The following FUT8 variants were observed in gnomAD, a reference collection of about 807,000 sequenced individuals.
The protein encoded by FUT8 is fucosyltransferase 8, also known as alpha-(1,6)-fucosyltransferase.
FUT8 carries 29 observed loss-of-function variants against 71.3 expected under a neutral mutation model. The observed-to-expected ratio is 0.41, with a 90% CI of 0.30 to 0.55. The LOEUF (loss-of-function observed/expected upper bound fraction) is 0.55, where lower values mean the gene tolerates loss of function less well. FUT8 is among the 20% of genes least tolerant of loss of function. The probability of loss-of-function intolerance (pLI) is 0.34; values close to 1 mark genes in which losing one functional copy is unlikely to be tolerated. For synonymous variants in FUT8, 254 were observed against 239.3 expected, an observed-to-expected ratio of 1.06 and a Z score of -0.57; for missense variants, 544 against 702.1, an observed-to-expected ratio of 0.77 and a Z score of 2.55.
rs920009054 is a variant in FUT8 at position 65,652,896 on chromosome 14, T to C, written c.598-16347T>C. ...TGGAAAGAGCCAAACATTTGGAGCATGCGATAGCAGGGGATCATTGGCCAT... is the reference window on the plus strand; with the variant it reads ...TGGAAAGAGCCAAACATTTGGAGCACGCGATAGCAGGGGATCATTGGCCAT... On this transcript the variant is annotated intron_variant, in intron 6 of 10. Coordinates refer to ENST00000673929, the MANE Select transcript of FUT8 (RefSeq NM_001371533.1). This position sits in a 1 kb window ranked among gnomAD's most constrained non-coding sequence, Gnocchi z 4.0. Among the ~76,000 whole-genome samples the C allele has an allele frequency of 3.3e-5, 5 of 152,218 alleles. No individual in the cohort carries two copies. The highest frequency in any genetic ancestry group is 1.2e-4 in the African/African-American group (5 of 41,446).
the FUT8 span, among the ~76,000 whole-genome samples, chr14:65,374,112 T>A: frequency 4.6e-5 from 7 of 152,234 alleles, no homozygotes; most frequent in Admixed American, 4.6e-4. Context: ...CCTGTAGGTT[T>A]AGGTTTCAGC....
intron 9 of FUT8, among the ~76,000 whole-genome samples, chr14:65,727,497 G>A (rs1895747571): frequency 6.6e-6 from 1 of 152,146 alleles, no homozygotes; most frequent in Non-Finnish European, 1.5e-5. Flanking sequence ...GTATACTTTA[G>A]CCCCTTTTTG....
the FUT8 span, among the ~76,000 whole-genome samples, chr14:65,363,986 A>C: frequency 6.6e-6 from 1 of 152,182 alleles, no homozygotes; most frequent in Non-Finnish European, 1.5e-5. Context: ...GTCATTTTAC[A>C]TGTGCTCCTG....
At position 65,561,763 on chromosome 14, in the gene FUT8, T is replaced by C; in HGVS notation, c.200T>C (p.Leu67Pro). 1 of 1,611,044 alleles carries C rather than the reference T, an allele frequency of 6.2e-7. No individual in the cohort carries two copies. Among genetic ancestry groups the C allele is most frequent in the Non-Finnish European group, 8.5e-7 (1 of 1,177,524 alleles). The change falls in exon 3 of 11, where the codon CTC becomes CCC. Residue 67 changes from leucine (L) to proline (P), a missense_variant. By Grantham distance (98) the Leu-to-Pro change is moderately conservative (BLOSUM62 -3). Transcript: ENST00000673929. The stretch of plus-strand genomic sequence containing the variant: ...GACTTGAGGCGAATGGCCGAATCTC[T>C]CCGGTAGGTCCTAAAATACTGAATG... ...NEDLRRMAES[L>P]RIPEGPIDQG...
chr14:65,532,285 A>AT (rs1015732910), intron 2 of FUT8, among the ~76,000 whole-genome samples: 51 of 151,664 alleles, frequency 3.4e-4, no homozygotes, highest in Non-Finnish European at 4.9e-4. Context: ...CCAGCATCTG[A>AT]TTTTTTTTAC....
chr14:65,610,580 G>C (rs1299528985), intron 3 of FUT8, among the ~76,000 whole-genome samples: 1 of 151,568 alleles, frequency 6.6e-6, no homozygotes, highest in Admixed American at 6.6e-5. Flanking sequence ...GTAGAGACGG[G>C]GTTTCTCCAT....
chr14:65,415,510 A>G (rs1408114176), intron 1 of FUT8, among the ~76,000 whole-genome samples: 1 of 152,164 alleles, frequency 6.6e-6, no homozygotes, highest in South Asian at 2.1e-4. Context: ...TGTTCATCAG[A>G]ATCTAAGGCA....
At chr14:65,503,005 AC>A (rs1439128826) in intron 2 of FUT8, among the ~76,000 whole-genome samples, 1 of 152,122 alleles carries the variant, frequency 6.6e-6, no homozygotes, top group Non-Finnish European at 1.5e-5. Flanking sequence ...CCAGTGTTGG[AC>A]TTGGATGGTT....
rs1055633976 is a variant in FUT8, at chr14:65,603,558, A to G, written c.204-12420A>G. On this transcript the variant is annotated intron_variant, in intron 3 of 10. Coordinates refer to ENST00000673929, the MANE Select transcript of FUT8 (RefSeq NM_001371533.1). This position sits in a 1 kb window ranked among gnomAD's most constrained non-coding sequence, Gnocchi z 4.5. ...GATGGGGATTGCATTGAATTTGTAGATTTGGCGGTATGGCAATTTTCACAA... is the reference window on the plus strand; with the variant it reads ...GATGGGGATTGCATTGAATTTGTAGGTTTGGCGGTATGGCAATTTTCACAA... Among the ~76,000 whole-genome samples, 2 of 151,434 alleles carry G rather than the reference A, an allele frequency of 1.3e-5. No homozygotes were observed. The highest frequency in any genetic ancestry group is 2.4e-5 in the African/African-American group (1 of 41,238).
chr14:65,466,017 T>C (rs1320394819), intron 2 of FUT8, among the ~76,000 whole-genome samples: 1 of 152,224 alleles, frequency 6.6e-6, no homozygotes, highest in Non-Finnish European at 1.5e-5. Context: ...TGACCATCTG[T>C]TATTAGGTAA....
chr14:65,601,080 T>C (rs1380039462), intron 3 of FUT8, among the ~76,000 whole-genome samples: 1 of 152,188 alleles, frequency 6.6e-6, no homozygotes, highest in Non-Finnish European at 1.5e-5. Context: ...TATGTGATTA[T>C]TCTGTTAAAA....
At chr14:65,621,635 C>T (rs568763516) in intron 5 of FUT8, among the ~76,000 whole-genome samples, 25 of 152,058 alleles carry the variant, frequency 1.6e-4, no homozygotes, top group Non-Finnish European at 1.5e-4. Context: ...GATCTCAGCT[C>T]GCTGCAACCT....
intron 9 of FUT8, among the ~76,000 whole-genome samples, chr14:65,732,830 T>C (rs1037159649): frequency 3.3e-5 from 5 of 152,226 alleles, no homozygotes; most frequent in African/African-American, 1.2e-4. Context: ...TCAGAAATTC[T>C]AAATTAAAAA....
At chr14:65,575,118 T>G (rs1443517037) in intron 3 of FUT8, among the ~76,000 whole-genome samples, 5 of 151,654 alleles carry the variant, frequency 3.3e-5, no homozygotes, top group African/African-American at 1.2e-4. Context: ...TTTTATTTCT[T>G]ATAATAGTCT....
At chr14:65,614,979 A>G (rs1169737387) in intron 3 of FUT8, among the ~76,000 whole-genome samples, 1 of 152,242 alleles carries the variant, frequency 6.6e-6, no homozygotes, top group Non-Finnish European at 1.5e-5. Context: ...TAAGTTGAAC[A>G]GAGAGGTTGA....
At chr14:65,653,797 G>A (rs868300045) in intron 6 of FUT8, among the ~76,000 whole-genome samples, 1 of 152,108 alleles carries the variant, frequency 6.6e-6, no homozygotes, top group Admixed American at 6.5e-5. Context: ...CTTGGCCTCC[G>A]AAAGTGCTGG....
intron 8 of FUT8, among the ~76,000 whole-genome samples, chr14:65,723,651 T>A (rs1339287858): frequency 6.6e-6 from 1 of 152,206 alleles, no homozygotes; most frequent in African/African-American, 2.4e-5. Context: ...GGACAACTTT[T>A]AAGTTCTACA....
the FUT8 span, among the ~76,000 whole-genome samples, chr14:65,385,562 G>C: frequency 6.8e-6 from 1 of 147,494 alleles, no homozygotes; most frequent in Non-Finnish European, 1.5e-5. Context: ...TTTGATTGTG[G>C]CTTTTAGATT....
At chr14:65,600,795 A>T (rs1028890232) in intron 3 of FUT8, among the ~76,000 whole-genome samples, 4 of 152,162 alleles carry the variant, frequency 2.6e-5, no homozygotes, top group African/African-American at 7.2e-5. Context: ...ATTTCCATTT[A>T]AAAAATCTGG....
Sources: allele counts gnomAD v4.1 joint callset (sites outside exome capture counted in the v4.1 genomes callset), GRCh38; gene constraint gnomAD v4.1.1; non-coding constraint Gnocchi (gnomAD v3.1); transcripts MANE v1.5; gene names NCBI Gene and HGNC (gene_info 2026-07-23, HGNC 2026-07-21).